Variants in DACH1 observed in about 807,000 individuals in gnomAD.
DACH1 encodes dachshund homolog 1.
A neutral mutation model predicts 54.2 loss-of-function variants in DACH1; 12 were observed. That is an observed-to-expected ratio of 0.22 (90% CI 0.14 to 0.36). The LOEUF (loss-of-function observed/expected upper bound fraction) is 0.36, where lower values mean the gene tolerates loss of function less well. Ranked by LOEUF, DACH1 falls within the 10% of genes least tolerant of loss-of-function variation. The pLI is 1.00. For missense variants in DACH1, 805 were observed against 929.8 expected (o/e 0.87, Z 1.75); for synonymous variants, 386 against 366.2 (o/e 1.05, Z -0.62).
chr13:71,470,537 C>T (rs1400372918), intron 10 of DACH1, among the ~76,000 whole-genome samples: 1 of 152,010 alleles, frequency 6.6e-6, no homozygotes, highest in African/African-American at 2.4e-5. Flanking sequence ...CTATGTTGGC[C>T]AGGCTGGTCT....
In DACH1 at chr13:71,438,027, C is replaced by T. The variant is rs1363692972; in HGVS notation, c.*2628G>A. 3.3e-5 allele frequency: 5 copies of T among 152,366 alleles called. No individual in the cohort carries two copies. Among genetic ancestry groups the T allele is most frequent in the African/African-American group, 1.2e-4 (5 of 41,416 alleles). The allele number at this position is 152,366 out of a possible 1,614,324, so 9.4% of individuals were successfully genotyped here. The stretch of plus-strand genomic sequence containing the variant: ...AGGAAAAGAAAATTAAATACAATAA[C>T]AGTAAACGTGGTTCTCACATTGAAA... On this transcript the variant is annotated 3_prime_UTR_variant, in exon 11 of 11. Transcript: ENST00000613252.
At chr13:71,788,266 A>G (rs1487977406) in intron 1 of DACH1, among the ~76,000 whole-genome samples, 2 of 152,250 alleles carry the variant, frequency 1.3e-5, no homozygotes, top group South Asian at 2.1e-4. Flanking sequence ...GGATCAATCT[A>G]TGAAACAAAG....
chr13:71,794,501 C>CA (rs1290128187), intron 1 of DACH1, among the ~76,000 whole-genome samples: 2 of 152,138 alleles, frequency 1.3e-5, no homozygotes, highest in Non-Finnish European at 2.9e-5. Flanking sequence ...TGCAATGGCG[C>CA]AATCTCGGCT....
chr13:71,620,131 T>C (rs1445975580), intron 3 of DACH1, among the ~76,000 whole-genome samples: 1 of 151,990 alleles, frequency 6.6e-6, no homozygotes, highest in Non-Finnish European at 1.5e-5. Context: ...ACTTATATTA[T>C]CTGATAGACC....
chr13:71,527,944 C>G (rs1882122015), intron 6 of DACH1, among the ~76,000 whole-genome samples: 1 of 151,220 alleles, frequency 6.6e-6, no homozygotes, highest in South Asian at 2.1e-4. Context: ...TAAAGAATCC[C>G]TTAACTCTTA....
At chr13:71,761,799 A>T (rs1316219582) in intron 1 of DACH1, among the ~76,000 whole-genome samples, 1 of 152,182 alleles carries the variant, frequency 6.6e-6, no homozygotes, top group Non-Finnish European at 1.5e-5. Context: ...TTTGTATAAT[A>T]AAATCAGGAG....
At chr13:71,737,633 T>C (rs1329258577) in intron 1 of DACH1, among the ~76,000 whole-genome samples, 2 of 152,120 alleles carry the variant, frequency 1.3e-5, no homozygotes, top group Admixed American at 1.3e-4. Context: ...GAGGAGAGGG[T>C]TCTTTTTGCT....
At chr13:71,485,061 T>G (rs1217383048) in intron 7 of DACH1, among the ~76,000 whole-genome samples, 1 of 141,870 alleles carries the variant, frequency 7.0e-6, no homozygotes, top group South Asian at 2.2e-4. Context: ...GTCTTAAATT[T>G]AAAAAAAAAA....
chr13:71,807,210 A>G (rs1340241573), intron 1 of DACH1, among the ~76,000 whole-genome samples: 2 of 152,204 alleles, frequency 1.3e-5, no homozygotes, highest in African/African-American at 4.8e-5. Context: ...TTAAAATGGT[A>G]GTTTTATGTC....
chr13:71,518,367 A>C lies in DACH1; in HGVS notation c.1571-29219T>G, dbSNP rs888104552. ...CAAAACTACCCAAACCTTGATTTTG[A>C]ACTTCTAGCCTTCAGAACTGTGGAA... On this transcript the variant is annotated intron_variant, in intron 6 of 10. Coordinates refer to ENST00000613252, the MANE Select transcript of DACH1 (RefSeq NM_080759.6). Among the ~76,000 whole-genome samples the C allele has an allele frequency of 2.0e-5, 3 of 151,794 alleles. No individual in the cohort carries two copies. In the Admixed American group the frequency reaches 2.0e-4, roughly 10 times the overall value.
At chr13:71,500,426 AAT>A (rs1879813682) in intron 6 of DACH1, among the ~76,000 whole-genome samples, 1 of 152,154 alleles carries the variant, frequency 6.6e-6, no homozygotes, top group Admixed American at 6.5e-5. Context: ...TTGCTATGTG[AAT>A]AAAACAGAAC....
At chr13:71,796,824 A>G (rs1218566447) in intron 1 of DACH1, among the ~76,000 whole-genome samples, 1 of 152,092 alleles carries the variant, frequency 6.6e-6, no homozygotes, top group Non-Finnish European at 1.5e-5. Flanking sequence ...TTGTAGAAAA[A>G]TATTTTATTT....
At position 71,735,294 on chromosome 13, in the gene DACH1, C is replaced by CGTAT. The variant is rs1884002690; in HGVS notation, c.849-53388_849-53385dup. Among the ~76,000 whole-genome samples, 10 of 63,946 alleles carry CGTAT rather than the reference C, an allele frequency of 1.6e-4. 1 individual carries two copies. Among genetic ancestry groups the CGTAT allele is most frequent in the African/African-American group, 3.4e-4 (9 of 26,376 alleles). 42.0% of individuals were successfully genotyped at this position (63,946 alleles called of 152,430 possible). On this transcript the variant is annotated intron_variant, in intron 1 of 10. Coordinates refer to ENST00000613252, the MANE Select transcript of DACH1 (RefSeq NM_080759.6). ...TACACGTATGTATATGGGATATACA[C>CGTAT]GTATACGGGATATACGTGTATATGG...
At chr13:71,763,736 T>G (rs188330709) in intron 1 of DACH1, among the ~76,000 whole-genome samples, 74 of 152,318 alleles carry the variant, frequency 4.9e-4, no homozygotes, top group African/African-American at 1.7e-3. Flanking sequence ...TTGCAATTAG[T>G]AAACCTTTTA....
At chr13:71,800,333 A>G (rs1402214777) in intron 1 of DACH1, among the ~76,000 whole-genome samples, 1 of 152,172 alleles carries the variant, frequency 6.6e-6, no homozygotes, top group Non-Finnish European at 1.5e-5. Context: ...GAGCACTAAA[A>G]AGAATAAAAT....
At chr13:71,593,959 T>C (rs1389508893) in intron 3 of DACH1, among the ~76,000 whole-genome samples, 1 of 151,480 alleles carries the variant, frequency 6.6e-6, no homozygotes, top group Non-Finnish European at 1.5e-5. Context: ...ATGATAAGTA[T>C]AGGTTAACAA....
At chr13:71,595,115 T>C (rs1874001061) in intron 3 of DACH1, among the ~76,000 whole-genome samples, 1 of 152,098 alleles carries the variant, frequency 6.6e-6, no homozygotes, top group East Asian at 1.9e-4. Flanking sequence ...AAAATATATG[T>C]ACGGATCTCT....
intron 2 of DACH1, chr13:71,675,415 G>C (rs1320261130): frequency 9.6e-6 from 14 of 1,461,356 alleles, no homozygotes; most frequent in Non-Finnish European, 1.1e-5. Context: ...TGCCAAACGT[G>C]TAACAATTAT....
chr13:71,816,629 TA>T (rs1566519406), intron 1 of DACH1, among the ~76,000 whole-genome samples: 2 of 23,004 alleles, frequency 8.7e-5, no homozygotes, highest in African/African-American at 2.1e-4. Flanking sequence ...CGTGTATATA[TA>T]CACACACATA....
Sources: gnomAD v4.1 joint callset for allele counts (sites outside exome capture counted in the v4.1 genomes callset) on GRCh38, gnomAD v4.1.1 for gene constraint, MANE v1.5 for transcripts, NCBI Gene and HGNC (gene_info 2026-07-23, HGNC 2026-07-21) for gene names.